PSEN1: variants seen among roughly 807,000 people sequenced by gnomAD.
PSEN1 encodes presenilin 1, also known as presenilin-1.
In PSEN1, 15 loss-of-function variants were observed where a neutral mutation model predicts 53.5. The ratio of observed to expected loss-of-function variants is 0.28; its 90% CI spans 0.19 to 0.43. The LOEUF (loss-of-function observed/expected upper bound fraction) is 0.43, where lower values mean the gene tolerates loss of function less well. Among genes scored for constraint, PSEN1 ranks in the 20% least tolerant of loss-of-function variants. PSEN1 has a pLI of 1.00. For missense variants in PSEN1, 387 were observed against 571.2 expected, an observed-to-expected ratio of 0.68 and a Z score of 3.29; for synonymous variants, 208 against 209.8, an observed-to-expected ratio of 0.99 and a Z score of 0.08.
At chr14:73,167,185 C>T (rs1053968227) in intron 3 of PSEN1, among the ~76,000 whole-genome samples, 8 of 152,070 alleles carry the variant, frequency 5.3e-5, no homozygotes, top group Non-Finnish European at 1.0e-4. Flanking sequence ...ATAGACAGAA[C>T]GGCAAGAGAG....
Position 73,219,164 on chromosome 14 carries a change from A to G in PSEN1, c.1279A>G (p.Ile427Val), listed in dbSNP as rs1398951357. 11 of 1,613,884 alleles carry G rather than the reference A, an allele frequency of 6.8e-6. 1 individual carries two copies. The highest frequency in any genetic ancestry group is 6.7e-5 in the Admixed American group (4 of 59,992). ...GTGCCTTACATTATTACTCCTTGCC[A>G]TTTTCAAGAAAGCATTGCCAGCTCT... ...GLCLTLLLLA[I>V]FKKALPALPI... The change falls in exon 12 of 12, where the codon ATT (isoleucine) becomes GTT (valine). Residue 427 changes from isoleucine (I) to valine (V), a missense_variant. Ile to Val is a conservative substitution (Grantham distance 29, BLOSUM62 3). Around this residue, in one of 4 missense-constraint regions of PSEN1, gnomAD observed 44 missense variants for 106.3 expected, o/e 0.41. Transcript: ENST00000324501.
chr14:73,149,690 G>A (rs1308256315), intron 3 of PSEN1, among the ~76,000 whole-genome samples: 1 of 152,218 alleles, frequency 6.6e-6, no homozygotes, highest in African/African-American at 2.4e-5. Flanking sequence ...AATTGGGACA[G>A]TCCTGAGCAG....
chr14:73,187,006 A>G, intron 6 of PSEN1, 86 bp downstream of exon 6: 1 of 1,092,616 alleles, frequency 9.2e-7, no homozygotes, highest in Non-Finnish European at 1.4e-6. Flanking sequence ...TACTTTGTTG[A>G]TGAATTACTC....
chr14:73,169,741 G>A (rs1897831852), intron 3 of PSEN1, among the ~76,000 whole-genome samples: 1 of 151,858 alleles, frequency 6.6e-6, no homozygotes, highest in Non-Finnish European at 1.5e-5. Context: ...CACCACCCAG[G>A]TTCAGGTGAT....
intron 9 of PSEN1, among the ~76,000 whole-genome samples, chr14:73,209,593 A>G (rs982445356): frequency 1.3e-5 from 2 of 152,190 alleles, no homozygotes; most frequent in African/African-American, 4.8e-5. Context: ...CTTATAGTCT[A>G]TTTGGAGAGA....
intron 1 of PSEN1, among the ~76,000 whole-genome samples, chr14:73,139,831 T>C (rs1205522240): frequency 6.6e-6 from 1 of 152,220 alleles, no homozygotes; most frequent in Non-Finnish European, 1.5e-5. Context: ...TTGAAAGATA[T>C]TAATACTCTT....
chr14:73,154,079 T>C (rs188449361), intron 3 of PSEN1, among the ~76,000 whole-genome samples: 1 of 152,274 alleles, frequency 6.6e-6, no homozygotes, highest in African/African-American at 2.4e-5. Flanking sequence ...AGACTATAAA[T>C]ATATCAGCAT....
chr14:73,211,679 A>T, intron 9 of PSEN1, 90 bp from the exon 10 acceptor site: 1 of 1,420,956 alleles, frequency 7.0e-7, no homozygotes, highest in Non-Finnish European at 9.9e-7. Context: ...GCTAGTTACA[A>T]TGACAGCTAG....
At chr14:73,186,492 G>T (rs1412238615) in intron 5 of PSEN1, among the ~76,000 whole-genome samples, 2 of 152,112 alleles carry the variant, frequency 1.3e-5, no homozygotes, top group Non-Finnish European at 2.9e-5. Context: ...AAAGAGAGAT[G>T]TGGGCCGGGC....
chr14:73,187,703 G>A (rs1249030705), intron 6 of PSEN1, among the ~76,000 whole-genome samples: 1 of 152,128 alleles, frequency 6.6e-6, no homozygotes, highest in African/African-American at 2.4e-5. Flanking sequence ...CCAGGCCCCA[G>A]TGGATTAATG....
chr14:73,143,336 A>T (rs1896978963), intron 1 of PSEN1, among the ~76,000 whole-genome samples: 1 of 152,164 alleles, frequency 6.6e-6, no homozygotes, highest in East Asian at 1.9e-4. Flanking sequence ...TGGAAGCATC[A>T]AGGGAGGCAC....
chr14:73,171,433 G>A (rs114679458), intron 4 of PSEN1, among the ~76,000 whole-genome samples: 226 of 152,088 alleles, frequency 1.5e-3, no homozygotes, highest in African/African-American at 5.0e-3. Flanking sequence ...TAAAGTTTTG[G>A]TGCCGCAAAA....
chr14:73,201,174 C>T (rs1010298387), intron 8 of PSEN1, among the ~76,000 whole-genome samples: 1 of 152,070 alleles, frequency 6.6e-6, no homozygotes, highest in Non-Finnish European at 1.5e-5. Context: ...CTGCAAGCTC[C>T]GCCTCCTGGG....
At chr14:73,136,966 C>G (rs1896763726) in intron 1 of PSEN1, 1 of 155,784 alleles carries the variant, frequency 6.4e-6, no homozygotes, top group Non-Finnish European at 1.4e-5. Flanking sequence ...CCTCACGCCC[C>G]GGGTGTGTCC....
rs764542252 is a variant in PSEN1, at chr14:73,181,945, C to T, written c.481-4908C>T. ...CCTGCCACCACGCCTAGCTAATGTT[C>T]GTATTTTTAGTAGAGACGGGGTTTT... On this transcript the variant is annotated intron_variant, in intron 5 of 11. Transcript: ENST00000324501. Among the ~76,000 whole-genome samples the T allele has an allele frequency of 2.0e-5, 3 of 151,896 alleles. 1 individual carries two copies. The South Asian group carries it at 6.2e-4, about 32-fold the overall frequency.
intron 7 of PSEN1, among the ~76,000 whole-genome samples, chr14:73,194,073 C>T (rs362364): frequency 0.023 from 3,468 of 152,228 alleles, 136 homozygotes; most frequent in African/African-American, 0.076. Context: ...TCTGTAACCA[C>T]CAGTGTGACA....
chr14:73,177,913 A>C (rs1393294399), intron 5 of PSEN1, among the ~76,000 whole-genome samples: 2 of 151,926 alleles, frequency 1.3e-5, no homozygotes, highest in Non-Finnish European at 2.9e-5. Context: ...CCAAATTTGG[A>C]AAATTTTTCA....
chr14:73,178,914 G>C (rs768097566), intron 5 of PSEN1, among the ~76,000 whole-genome samples: 1 of 152,150 alleles, frequency 6.6e-6, no homozygotes, highest in Non-Finnish European at 1.5e-5. Flanking sequence ...CCAGTCACCA[G>C]TCTGGGACTG....
chr14:73,183,958 G>A (rs1245339324), intron 5 of PSEN1, among the ~76,000 whole-genome samples: 7 of 139,384 alleles, frequency 5.0e-5, no homozygotes, highest in South Asian at 2.4e-4. Context: ...CGGACGGGGC[G>A]GCTGGCCGGG....
Sources: gnomAD v4.1 joint callset for allele counts (sites outside exome capture counted in the v4.1 genomes callset) on GRCh38, gnomAD v4.1.1 for gene constraint, gnomAD v4.1.1 regional missense constraint, MANE v1.5 for transcripts, NCBI Gene and HGNC (gene_info 2026-07-23, HGNC 2026-07-21) for gene names.